ACE: variants seen among roughly 807,000 people sequenced by gnomAD.
ACE encodes angiotensin-converting enzyme.
ACE carries 122 observed loss-of-function variants against 162.3 expected under a neutral mutation model. The ratio of observed to expected loss-of-function variants is 0.75; its 90% CI spans 0.65 to 0.87. The LOEUF (loss-of-function observed/expected upper bound fraction) is 0.87, where lower values mean the gene tolerates loss of function less well. ACE is among the 40% of genes least tolerant of loss of function. The pLI is 0.00. For synonymous variants in ACE, 796 were observed against 720.6 expected (o/e 1.10, Z -1.68); for missense variants, 1,799 against 1,735.1 (o/e 1.04, Z -0.65).
At position 63,484,730 on chromosome 17, in the gene ACE, C is replaced by G; in HGVS notation, c.1921+189C>G. 1 of 1,456,866 alleles carries G rather than the reference C, an allele frequency of 6.9e-7. No homozygotes were observed. The highest frequency in any genetic ancestry group is 1.4e-5 in the African/African-American group (1 of 70,688). The allele number at this position is 1,456,866 out of a possible 1,614,324, so 90.2% of individuals were successfully genotyped here. ...ACAGGCATGTCTTTCCCCCAGCATCCTAGAGAGGGTGTGCTCAGACCTGAG... is the reference window on the plus strand; with the variant it reads ...ACAGGCATGTCTTTCCCCCAGCATCGTAGAGAGGGTGTGCTCAGACCTGAG... On this transcript the variant is annotated intron_variant, in intron 12 of 24. Coordinates refer to ENST00000290866, the MANE Select transcript of ACE (RefSeq NM_000789.4). The surrounding 1 kb of genome is among the most constrained non-coding windows in gnomAD (Gnocchi z 4.0).
intron 20 of ACE, 92 bp from the exon 21 acceptor site, chr17:63,493,830 G>A: frequency 1.3e-6 from 2 of 1,593,000 alleles, no homozygotes; most frequent in Non-Finnish European, 1.7e-6. Flanking sequence ...GGCCCAAAAG[G>A]TACAGCACCC....
At chr17:63,485,491 C>A in intron 13 of ACE, 119 bp downstream of exon 13, 1 of 1,454,094 alleles carries the variant, frequency 6.9e-7, no homozygotes, top group Non-Finnish European at 9.4e-7. Context: ...AAACAATACT[C>A]AATTTCGGGC....
rs184305712 is a variant in ACE at position 63,486,487 on chromosome 17, T to C, written c.2059-70T>C. ...ACCACCTCCAGCCCTCAGCTCCCAC[T>C]TGGGGCCTCCCGCTCAGAGGCTGCT... On this transcript the variant is annotated intron_variant, in intron 13 of 24. Coordinates refer to ENST00000290866, the MANE Select transcript of ACE (RefSeq NM_000789.4). 391 of 1,582,268 alleles carry C rather than the reference T, an allele frequency of 2.5e-4. 1 individual carries two copies. In the African/African-American group the frequency reaches 4.9e-3, roughly 20 times the overall value.
chr17:63,483,567 G>GCGGGGCCCC lies in ACE; in HGVS notation c.1586+10_1586+11insGGGGCCCCC. ...GTGACACCATACATCAGGTATTAGC[G>GCGGGGCCCC]CCCCCACCCCACCCACCCCCAGTAC... On this transcript the variant is annotated intron_variant, in intron 10 of 24. Transcript: ENST00000290866. 1.3e-6 allele frequency: 2 copies of GCGGGGCCCC among 1,589,556 alleles called. No individual in the cohort carries two copies. Among genetic ancestry groups the GCGGGGCCCC allele is most frequent in the Admixed American group, 1.7e-5 (1 of 58,132 alleles).
chr17:63,481,030 GCAT>G, intron 5 of ACE, 58 bp from the exon 6 acceptor site: 8 of 1,527,284 alleles, frequency 5.2e-6, no homozygotes, highest in Non-Finnish European at 7.3e-6. Context: ...ACTCAGCGAT[GCAT>G]GAAGAAGCAG....
intron 6 of ACE, 133 bp from the exon 7 acceptor site, chr17:63,481,433 C>A: frequency 9.6e-7 from 1 of 1,039,238 alleles, no homozygotes; most frequent in South Asian, 1.5e-5. Flanking sequence ...GAGGGCCCTG[C>A]CTCTGGGAAT....
At chr17:63,497,050 C>A (rs754331615) in intron 24 of ACE, 65 bp downstream of exon 24, 1 of 1,584,722 alleles carries the variant, frequency 6.3e-7, no homozygotes, top group Non-Finnish European at 8.6e-7. Flanking sequence ...GGCAGCCATG[C>A]GGCTGACCTC....
At chr17:63,495,944 A>G (rs1475227194) in intron 22 of ACE, among the ~76,000 whole-genome samples, 2 of 152,184 alleles carry the variant, frequency 1.3e-5, no homozygotes, top group African/African-American at 4.8e-5. Context: ...GCAGATTTCT[A>G]CCAGGGAATT....
chr17:63,491,061 A>G lies in ACE; in HGVS notation c.2739+10A>G. The G allele has an allele frequency of 2.5e-6, 4 of 1,614,020 alleles. No individual in the cohort carries two copies. Among genetic ancestry groups the G allele is most frequent in the Non-Finnish European group, 3.4e-6 (4 of 1,179,946 alleles). ...GGCTATGCTAAAGCAGGTCCGCACC[A>G]GCCCAGGGGCAGGGAGGCCCCGCCG... On this transcript the variant is annotated intron_variant, in intron 18 of 24. Coordinates refer to ENST00000290866, the MANE Select transcript of ACE (RefSeq NM_000789.4). The surrounding 1 kb of genome is among the most constrained non-coding windows in gnomAD (Gnocchi z 4.4).
chr17:63,486,427 C>A, intron 13 of ACE, 130 bp from the exon 14 acceptor site: 1 of 991,624 alleles, frequency 1.0e-6, no homozygotes, highest in Non-Finnish European at 1.6e-6. Flanking sequence ...GTCTTATAGG[C>A]AAAGGTTGCA....
intron 1 of ACE, 49 bp from the exon 2 acceptor site, chr17:63,477,882 G>A: frequency 6.4e-7 from 1 of 1,570,666 alleles, no homozygotes; most frequent in Non-Finnish European, 8.6e-7. Flanking sequence ...TTTATGGCCT[G>A]CATCTAAGCA....
In ACE at chr17:63,498,314, A is replaced by C. The variant is rs903161703; in HGVS notation, c.*948A>C. On this transcript the variant is annotated 3_prime_UTR_variant, in exon 25 of 25. Transcript: ENST00000290866. ...ATGACTTTTATGTGTATGTTTATGTAGAAATTTGGAAAATACAGAAAACTG... is the reference window on the plus strand; with the variant it reads ...ATGACTTTTATGTGTATGTTTATGTCGAAATTTGGAAAATACAGAAAACTG... The C allele has an allele frequency of 6.6e-6, 1 of 152,220 alleles. No homozygotes were observed. Among genetic ancestry groups the C allele is most frequent in the Non-Finnish European group, 1.5e-5 (1 of 68,032 alleles). The allele number at this position is 152,220 out of a possible 1,614,324, so 9.4% of individuals were successfully genotyped here.
At chr17:63,488,614 G>A (rs774077500) in intron 15 of ACE, 34 bp from the exon 16 acceptor site, 8 of 1,611,360 alleles carry the variant, frequency 5.0e-6, no homozygotes, top group Non-Finnish European at 6.8e-6. Flanking sequence ...GGTGAGCTAA[G>A]GGCTGGAGCT....
chr17:63,478,569 G>A (rs775554647), intron 2 of ACE: 1 of 318,612 alleles, frequency 3.1e-6, no homozygotes, highest in Non-Finnish European at 6.1e-6. Context: ...AAACTGAGGG[G>A]GAAGGATCAC....
At position 63,485,250 on chromosome 17, in the gene ACE, G is replaced by A; in HGVS notation, c.1936G>A (p.Glu646Lys). 2 of 1,614,128 alleles carry A rather than the reference G, an allele frequency of 1.2e-6. No homozygotes were observed. The highest frequency in any genetic ancestry group is 4.5e-5 in the East Asian group (2 of 44,870). ...CTGTCCCACAGACCTGGTGACTGAT[G>A]AGGCTGAGGCCAGCAAGTTTGTGGA... The part of the protein sequence containing the change: ...YPEGIDLVTD[E>K]AEASKFVEEY... Residue 646 changes from glutamate (E) to lysine (K), a missense_variant, in exon 13 of 25, where the codon GAG becomes AAG. Physicochemically the swap from Glu to Lys is moderately conservative, Grantham distance 56. Coordinates refer to ENST00000290866, the MANE Select transcript of ACE (RefSeq NM_000789.4).
In ACE at chr17:63,479,874, A is replaced by T. The variant is rs767268916; in HGVS notation, c.617A>T (p.Asp206Val). The T allele has an allele frequency of 6.2e-7, 1 of 1,612,630 alleles. No individual in the cohort carries two copies. The highest frequency in any genetic ancestry group is 1.7e-5 in the Admixed American group (1 of 60,016). The stretch of plus-strand genomic sequence containing the variant: ...ATCCCGCTGAAACCGCTGTACGAGG[A>T]TTTCACTGCCCTCAGCAATGAAGCC... Reference protein sequence around the residue: ...AGIPLKPLYEDFTALSNEAYK... With the variant: ...AGIPLKPLYEVFTALSNEAYK... The change falls in exon 4 of 25, where the codon GAT becomes GTT. Residue 206 changes from aspartate (D) to valine (V), a missense_variant. By Grantham distance (152) the Asp-to-Val change is radical. Coordinates refer to ENST00000290866, the MANE Select transcript of ACE (RefSeq NM_000789.4).
chr17:63,480,500 CA>C lies in ACE; in HGVS notation c.820del (p.Arg274GlyfsTer182). 6.2e-7 allele frequency: 1 copy of C among 1,613,966 alleles called. No individual in the cohort carries two copies. Among genetic ancestry groups the C allele is most frequent in the Admixed American group, 1.7e-5 (1 of 60,026 alleles). On this transcript the variant is annotated frameshift_variant, in exon 5 of 25. Coordinates refer to ENST00000290866, the MANE Select transcript of ACE (RefSeq NM_000789.4). LOFTEE classifies it high-confidence loss of function. ...GATACGGAGACAGATACATCAACCTCAGGGGACCCATCCCTGCTCATCTGCT... is the reference window on the plus strand; with the variant it reads ...GATACGGAGACAGATACATCAACCTCGGGGACCCATCCCTGCTCATCTGCT... ...RRYGDRYINL[R>X]GPIPAHLLGD...
chr17:63,482,734 C>G (rs1000292458), intron 8 of ACE, 45 bp downstream of exon 8: 1 of 1,575,596 alleles, frequency 6.3e-7, no homozygotes, highest in Non-Finnish European at 8.7e-7. Context: ...ACCTAAACCC[C>G]GCTCCACCCC....
Position 63,497,328 on chromosome 17 carries a change from C to T in ACE, c.3883C>T (p.Pro1295Ser). ...CAGCCTCCACCGGCACTCCCACGGG[C>T]CCCAGTTCGGCTCCGAGGTGGAGCT... Reference protein sequence around the residue: ...HRSLHRHSHGPQFGSEVELRH... With the variant: ...HRSLHRHSHGSQFGSEVELRH... Residue 1295 changes from proline to serine, a missense_variant, in exon 25 of 25, where the codon CCC (proline) becomes TCC (serine). Transcript: ENST00000290866. The T allele has an allele frequency of 6.5e-7, 1 of 1,548,868 alleles. No homozygotes were observed. Among genetic ancestry groups the T allele is most frequent in the Non-Finnish European group, 8.7e-7 (1 of 1,147,210 alleles).
Sources: allele counts gnomAD v4.1 joint callset (sites outside exome capture counted in the v4.1 genomes callset), GRCh38; gene constraint gnomAD v4.1.1; non-coding constraint Gnocchi (gnomAD v3.1); transcripts MANE v1.5; gene names NCBI Gene and HGNC (gene_info 2026-07-23, HGNC 2026-07-21).